Variants in SETX observed in about 807,000 individuals in gnomAD.
SETX encodes the protein senataxin.
A neutral mutation model predicts 227.2 loss-of-function variants in SETX; 90 were observed. That is an observed-to-expected ratio of 0.40 (90% CI 0.33 to 0.47). The LOEUF is 0.47. Ranked by LOEUF, SETX falls within the 20% of genes least tolerant of loss-of-function variation. The pLI is 0.91. For missense variants in SETX, 3,052 were observed against 3,181.5 expected (o/e 0.96, Z 0.98); for synonymous variants, 1,210 against 1,113.2 (o/e 1.09, Z -1.73).
intron 10 of SETX, among the ~76,000 whole-genome samples, chr9:132,314,548 T>C (rs866877931): frequency 5.9e-5 from 9 of 152,172 alleles, no homozygotes; most frequent in Middle Eastern, 6.8e-3. Context: ...TAAAGGTCAG[T>C]GGTAATAATG....
chr9:132,333,556 G>A (rs1177834040), intron 7 of SETX, among the ~76,000 whole-genome samples: 1 of 151,336 alleles, frequency 6.6e-6, no homozygotes, highest in Non-Finnish European at 1.5e-5. Flanking sequence ...AGAATGAGGG[G>A]AAAAAATTAT....
rs1844712638 is a variant in SETX at position 132,297,012 on chromosome 9, T to C, written c.5824A>G (p.Ile1942Val). 9 of 1,613,982 alleles carry C rather than the reference T, an allele frequency of 5.6e-6. 1 individual carries two copies. The highest frequency in any genetic ancestry group is 1.3e-5 in the African/African-American group (1 of 75,054). The change falls in exon 14 of 26, where the codon ATA becomes GTA. Residue 1942 changes from isoleucine (I) to valine (V), a missense_variant. Ile to Val is a conservative substitution (Grantham distance 29). Coordinates refer to ENST00000224140, the MANE Select transcript of SETX (RefSeq NM_015046.7). ...TTCACCATAGCATATGCAGTTTCTATTGCTTTCTTTTGATCTTCATTGAAA... is the reference window on the plus strand; with the variant it reads ...TTCACCATAGCATATGCAGTTTCTACTGCTTTCTTTTGATCTTCATTGAAA... ...RDFNEDQKKA[I>V]ETAYAMVKHS...
At chr9:132,302,592 G>A (rs1376176440) in intron 11 of SETX, among the ~76,000 whole-genome samples, 5 of 148,490 alleles carry the variant, frequency 3.4e-5, no homozygotes, top group African/African-American at 1.2e-4. Flanking sequence ...CCTGGGAGGT[G>A]GAGATTGCTG....
At position 132,264,835 on chromosome 9, in the gene SETX, C is replaced by T; in HGVS notation, c.7438G>A (p.Ala2480Thr). The change falls in exon 26 of 26, where the codon GCC becomes ACC. Residue 2480 changes from alanine (A) to threonine (T), a missense_variant. Around this residue, in one of 10 missense-constraint regions of SETX, gnomAD observed 294 missense variants for 278.8 expected, o/e 1.05. Transcript: ENST00000224140. ...CCCTGGGGTCTGGACCCCTCTGGGG[C>T]TATGGTAGGAGGGTGAGTGAGACTT... Reference protein sequence around the residue: ...QRSLTHPPTIAPEGSRPQGGL... With the variant: ...QRSLTHPPTITPEGSRPQGGL... The T allele has an allele frequency of 1.9e-6, 3 of 1,614,158 alleles. No individual in the cohort carries two copies. Among genetic ancestry groups the T allele is most frequent in the Non-Finnish European group, 2.5e-6 (3 of 1,180,030 alleles).
chr9:132,351,927 A>C (rs1848625290), intron 2 of SETX, among the ~76,000 whole-genome samples: 1 of 152,240 alleles, frequency 6.6e-6, no homozygotes, highest in Non-Finnish European at 1.5e-5. Context: ...AAAGAGAGCT[A>C]ATGTGTCAAA....
chr9:132,309,425 G>A (rs1395184708), intron 11 of SETX, among the ~76,000 whole-genome samples: 1 of 151,980 alleles, frequency 6.6e-6, no homozygotes, highest in East Asian at 1.9e-4. Context: ...GCCTCAGTCA[G>A]AAACAAAACA....
At chr9:132,283,242 G>T (rs1205695925) in intron 19 of SETX, 22 bp downstream of exon 19, 1 of 1,613,378 alleles carries the variant, frequency 6.2e-7, no homozygotes, top group African/African-American at 1.3e-5. Flanking sequence ...AGTCAAAGTT[G>T]TATGGCTGAC....
intron 20 of SETX, 138 bp downstream of exon 20, chr9:132,281,329 G>T: frequency 1.5e-6 from 1 of 669,516 alleles, no homozygotes; most frequent in African/African-American, 1.8e-5. Context: ...TTTATTAAGT[G>T]CTTCTCTTTT....
In SETX at chr9:132,302,454, G is replaced by A. The variant is rs185371121; in HGVS notation, c.5375-1651C>T. 5.5e-3 allele frequency among the ~76,000 whole-genome samples: 830 copies of A among 150,896 alleles called. 19 individuals carry two copies. The highest frequency in any genetic ancestry group is 3.9e-3 in the Non-Finnish European group (263 of 67,800). ...ACGGGCGGATCACCTGAGGTCAGGC[G>A]TTTGAGACCAGCCTGGCCAACATGG... On this transcript the variant is annotated intron_variant, in intron 11 of 25. Coordinates refer to ENST00000224140, the MANE Select transcript of SETX (RefSeq NM_015046.7).
At chr9:132,315,764 G>A (rs902653276) in intron 10 of SETX, among the ~76,000 whole-genome samples, 2 of 152,150 alleles carry the variant, frequency 1.3e-5, no homozygotes, top group Admixed American at 1.3e-4. Context: ...CTCAGGTAGA[G>A]CTAATCCAAA....
At chr9:132,273,949 T>C (rs886734533) in intron 23 of SETX, among the ~76,000 whole-genome samples, 2 of 147,624 alleles carry the variant, frequency 1.4e-5, no homozygotes, top group Non-Finnish European at 3.0e-5. Flanking sequence ...CTTTTATTAA[T>C]AAAAAAAGTT....
chr9:132,270,599 CA>C (rs1265156163), intron 24 of SETX, among the ~76,000 whole-genome samples: 1 of 152,220 alleles, frequency 6.6e-6, no homozygotes, highest in African/African-American at 2.4e-5. Flanking sequence ...GGGCTTCCTT[CA>C]AAGTGATGCA....
intron 18 of SETX, among the ~76,000 whole-genome samples, chr9:132,284,426 G>C (rs937296007): frequency 3.3e-5 from 5 of 152,140 alleles, no homozygotes; most frequent in African/African-American, 7.2e-5. Context: ...TAGTCACATA[G>C]AGAAAGATCA....
chr9:132,323,294 C>T (rs1313453133), intron 10 of SETX, among the ~76,000 whole-genome samples: 2 of 152,118 alleles, frequency 1.3e-5, no homozygotes, highest in Non-Finnish European at 2.9e-5. Context: ...AAAAGACATC[C>T]TGGCATTAAT....
At chr9:132,337,947 T>G (rs1032623502) in intron 5 of SETX, among the ~76,000 whole-genome samples, 1 of 152,022 alleles carries the variant, frequency 6.6e-6, no homozygotes, top group Admixed American at 6.6e-5. Context: ...TCACCATGAG[T>G]TGCAAAGGAT....
intron 15 of SETX, 134 bp from the exon 16 acceptor site, chr9:132,288,785 C>A: frequency 1.4e-6 from 1 of 694,096 alleles, no homozygotes; most frequent in East Asian, 2.7e-5. Flanking sequence ...TCCAATTAAC[C>A]AGACACCAGG....
At chr9:132,309,400 G>C (rs1845518073) in intron 11 of SETX, among the ~76,000 whole-genome samples, 1 of 151,762 alleles carries the variant, frequency 6.6e-6, no homozygotes, top group Admixed American at 6.6e-5. Flanking sequence ...AAAAAAAATG[G>C]AACCCAACCC....
At chr9:132,311,919 C>T (rs924583371) in intron 10 of SETX, 63 bp from the exon 11 acceptor site, 7 of 1,264,224 alleles carry the variant, frequency 5.5e-6, no homozygotes, top group Non-Finnish European at 8.0e-6. Flanking sequence ...TAAATAGTAA[C>T]ATTTTCCAAA....
At chr9:132,269,776 T>C (rs1396853094) in intron 24 of SETX, 74 bp from the exon 25 acceptor site, 21 of 1,445,554 alleles carry the variant, frequency 1.5e-5, no homozygotes, top group Non-Finnish European at 1.8e-5. Context: ...AGGTGGACTC[T>C]AGAATGACTC....
Sources: gnomAD v4.1 joint callset for allele counts (sites outside exome capture counted in the v4.1 genomes callset) on GRCh38, gnomAD v4.1.1 for gene constraint, gnomAD v4.1.1 regional missense constraint, MANE v1.5 for transcripts, NCBI Gene and HGNC (gene_info 2026-07-23, HGNC 2026-07-21) for gene names.